MCRIP2: variants seen among roughly 807,000 people sequenced by gnomAD.
MCRIP2 encodes MAPK regulated corepressor interacting protein 2.
In MCRIP2, 21 loss-of-function variants were observed where a neutral mutation model predicts 23.2. The ratio of observed to expected loss-of-function variants is 0.90; its 90% CI spans 0.64 to 1.30. MCRIP2 has a LOEUF of 1.30. Ranked by LOEUF, MCRIP2 falls within the 50% of genes most tolerant of loss-of-function variation. MCRIP2 has a pLI of 0.00. For missense variants in MCRIP2, 234 were observed against 223.2 expected (o/e 1.05, Z -0.31); for synonymous variants, 121 against 100.2 (o/e 1.21, Z -1.24).
At chr16:647,254 G>A in intron 2 of MCRIP2, 163 bp from the exon 3 acceptor site, 6 of 917,876 alleles carry the variant, frequency 6.5e-6, no homozygotes, top group South Asian at 1.7e-5. Context: ...AGAGAGGCCT[G>A]GGCCACCGGC....
rs1252018395 is a variant in MCRIP2 at position 642,229 on chromosome 16, G to A, written c.162G>A (p.Pro54=). The stretch of plus-strand genomic sequence containing the variant: ...GGGCGCAGCCCTTTGCGCAGCCGCC[G>A]GGACCCTGGCCCCTGTCGAGGTGAG... ...PPRAQPFAQP[P]GPWPLSSPGP... Residue 54 remains proline, a synonymous_variant, in exon 2 of 5, where the codon CCG becomes CCA. Transcript: ENST00000307650. 1.6e-6 allele frequency: 2 copies of A among 1,240,048 alleles called. No homozygotes were observed. The highest frequency in any genetic ancestry group is 4.3e-5 in the Admixed American group (1 of 23,392). 76.8% of individuals were successfully genotyped at this position (1,240,048 alleles called of 1,614,324 possible). A position where few individuals can be genotyped will look rare whatever the true frequency, so the allele number is the denominator to read the frequency against.
At position 646,949 on chromosome 16, in the gene MCRIP2, TGGAGGTG is replaced by T; in HGVS notation, c.183-467_183-461del. 150 of 170,502 alleles carry T rather than the reference TGGAGGTG, an allele frequency of 8.8e-4. No homozygotes were observed. Among genetic ancestry groups the T allele is most frequent in the South Asian group, 4.9e-3 (35 of 7,192 alleles). 10.6% of individuals were successfully genotyped at this position (170,502 alleles called of 1,614,324 possible). ...TCCATGGAGGGAAACATCGTGGAGATGGAGGTGCTTCTGTGGGGCGAGAATGTGGCCT... is the reference window on the plus strand; with the variant it reads ...TCCATGGAGGGAAACATCGTGGAGATCTTCTGTGGGGCGAGAATGTGGCCT... On this transcript the variant is annotated intron_variant, in intron 2 of 4. Coordinates refer to ENST00000307650, the MANE Select transcript of MCRIP2 (RefSeq NM_138418.4). This position sits in a 1 kb window ranked among gnomAD's most constrained non-coding sequence, Gnocchi z 6.5.
intron 2 of MCRIP2, 21 bp from the exon 3 acceptor site, chr16:647,396 C>A (rs1262011050): frequency 4.5e-5 from 72 of 1,611,690 alleles, no homozygotes; most frequent in Non-Finnish European, 6.0e-5. Context: ...CCAACCATGT[C>A]CGTCTCCTCC....
In MCRIP2 at chr16:647,424, C is replaced by T; in HGVS notation, c.190C>T (p.Pro64Ser). ...TCTCCTCCCTTCCTGCAGTCCAGGG[C>T]CAAGGCTTGTGTTCAATCGTGTGAA... Reference protein sequence around the residue: ...PGPWPLSSPGPRLVFNRVNGR... With the variant: ...PGPWPLSSPGSRLVFNRVNGR... Residue 64 changes from proline to serine, a missense_variant, in exon 3 of 5, where the codon CCA becomes TCA. Physicochemically the swap from Pro to Ser is moderately conservative, Grantham distance 74 (BLOSUM62 -1). Coordinates refer to ENST00000307650, the MANE Select transcript of MCRIP2 (RefSeq NM_138418.4). 1 of 1,613,476 alleles carries T rather than the reference C, an allele frequency of 6.2e-7. No homozygotes were observed. Among genetic ancestry groups the T allele is most frequent in the Non-Finnish European group, 8.5e-7 (1 of 1,179,968 alleles).
At chr16:643,059 A>C (rs1596448754) in intron 2 of MCRIP2, 2 of 152,352 alleles carry the variant, frequency 1.3e-5, no homozygotes, top group Non-Finnish European at 2.9e-5. Flanking sequence ...GTGCCGAGCC[A>C]CCCTCAGCCT....
intron 2 of MCRIP2, chr16:642,968 G>A (rs2037388266): frequency 6.6e-6 from 1 of 152,652 alleles, no homozygotes; most frequent in South Asian, 2.1e-4. Flanking sequence ...GAAGGCTCCT[G>A]GAGGTGGTAG....
At chr16:645,632 T>C (rs1235604246) in intron 2 of MCRIP2, 1 of 151,992 alleles carries the variant, frequency 6.6e-6, no homozygotes, top group Non-Finnish European at 1.5e-5. Flanking sequence ...TGAGGCGATA[T>C]AAGTAATAAG....
Position 646,952 on chromosome 16 carries a change from A to T in MCRIP2, c.183-465A>T, listed in dbSNP as rs76508841. On this transcript the variant is annotated intron_variant, in intron 2 of 4. Coordinates refer to ENST00000307650, the MANE Select transcript of MCRIP2 (RefSeq NM_138418.4). The surrounding 1 kb of genome is among the most constrained non-coding windows in gnomAD (Gnocchi z 6.5). ...ATGGAGGGAAACATCGTGGAGATGG[A>T]GGTGCTTCTGTGGGGCGAGAATGTG... is the stretch of plus-strand genomic sequence containing the variant. 0.015 allele frequency: 2,373 copies of T among 156,510 alleles called. 82 individuals carry two copies. Among genetic ancestry groups the T allele is most frequent in the East Asian group, 0.13 (666 of 5,312 alleles). 9.7% of individuals were successfully genotyped at this position (156,510 alleles called of 1,614,324 possible). A position where few individuals can be genotyped will look rare whatever the true frequency, so the allele number is the denominator to read the frequency against.
Position 642,172 on chromosome 16 carries a change from G to A in MCRIP2, c.105G>A (p.Arg35=). 2 of 1,348,722 alleles carry A rather than the reference G, an allele frequency of 1.5e-6. No homozygotes were observed. The highest frequency in any genetic ancestry group is 1.9e-6 in the Non-Finnish European group (2 of 1,046,348). 83.5% of individuals were successfully genotyped at this position (1,348,722 alleles called of 1,614,324 possible). A position where few individuals can be genotyped will look rare whatever the true frequency, so the allele number is the denominator to read the frequency against. ...EGRLGELLKC[R]QPAPPTSQPP... ...GGCTCGGCGAGCTCCTGAAATGCCG[G>A]CAGCCCGCGCCGCCGACCTCGCAGC... The change falls in exon 2 of 5, where the codon CGG becomes CGA. Residue 35 remains arginine (R), a synonymous_variant. Coordinates refer to ENST00000307650, the MANE Select transcript of MCRIP2 (RefSeq NM_138418.4).
At chr16:644,801 G>A (rs989616346) in intron 2 of MCRIP2, among the ~76,000 whole-genome samples, 7 of 151,328 alleles carry the variant, frequency 4.6e-5, no homozygotes, top group Admixed American at 1.3e-4. Context: ...CTGACTGGGC[G>A]CGGGAGGGGG....
Position 646,985 on chromosome 16 carries a change from A to G in MCRIP2, c.183-432A>G. ...CTGTGGGGCGAGAATGTGGCCTAGA[A>G]CTACACCCAGAGTGGGGGGGTTGGG... On this transcript the variant is annotated intron_variant, in intron 2 of 4. Coordinates refer to ENST00000307650, the MANE Select transcript of MCRIP2 (RefSeq NM_138418.4). This position sits in a 1 kb window ranked among gnomAD's most constrained non-coding sequence, Gnocchi z 6.5. 5.2e-6 allele frequency: 1 copy of G among 193,156 alleles called. No homozygotes were observed. The highest frequency in any genetic ancestry group is 2.3e-5 in the African/African-American group (1 of 42,644). The allele number at this position is 193,156 out of a possible 1,614,324, so 12.0% of individuals were successfully genotyped here. A position where few individuals can be genotyped will look rare whatever the true frequency, so the allele number is the denominator to read the frequency against.
At position 646,741 on chromosome 16, in the gene MCRIP2, G is replaced by A. The variant is rs866202378; in HGVS notation, c.183-676G>A. On this transcript the variant is annotated intron_variant, in intron 2 of 4. Coordinates refer to ENST00000307650, the MANE Select transcript of MCRIP2 (RefSeq NM_138418.4). This position sits in a 1 kb window ranked among gnomAD's most constrained non-coding sequence, Gnocchi z 6.5. ...CAGGGGCCCACCAGACGTTGCGTGC[G>A]GCACTGCGGGAGCCATCTCCTTTGG... The A allele has an allele frequency of 1.0e-3, 155 of 152,418 alleles. No individual in the cohort carries two copies. The highest frequency in any genetic ancestry group is 3.2e-3 in the African/African-American group (132 of 41,562). The allele number at this position is 152,418 out of a possible 1,614,324, so 9.4% of individuals were successfully genotyped here.
intron 2 of MCRIP2, chr16:647,110 G>T (rs903211916): frequency 2.5e-6 from 1 of 400,342 alleles, no homozygotes; most frequent in Non-Finnish European, 4.6e-6. Flanking sequence ...GACCCTCGGG[G>T]AGGGGTACTG....
intron 2 of MCRIP2, chr16:642,709 C>T (rs2037381121): frequency 6.6e-6 from 1 of 152,428 alleles, no homozygotes; most frequent in Non-Finnish European, 1.5e-5. Context: ...CGCCCTTCAC[C>T]CCAGACACCC....
chr16:643,578 T>C (rs1480693064), intron 2 of MCRIP2, among the ~76,000 whole-genome samples: 1 of 137,610 alleles, frequency 7.3e-6, no homozygotes, highest in African/African-American at 2.8e-5. Flanking sequence ...AGAGTCTCCA[T>C]CTGTCGCCCA....
At position 647,509 on chromosome 16, in the gene MCRIP2, T is replaced by C. The variant is rs140734545; in HGVS notation, c.275T>C (p.Val92Ala). The change falls in exon 3 of 5, where the codon GTG becomes GCG. Residue 92 changes from valine (V) to alanine (A), a missense_variant. By Grantham distance (64) the Val-to-Ala change is moderately conservative. Transcript: ENST00000307650. The stretch of plus-strand genomic sequence containing the variant: ...GAGGGGACCCAGGAGACCTACACAG[T>C]GGCCCACGAGGAGAATGTCCGCTTT... ...SFEGTQETYT[V>A]AHEENVRFVS... is the part of the protein sequence containing the mutation. 38 of 1,613,264 alleles carry C rather than the reference T, an allele frequency of 2.4e-5. No homozygotes were observed. The highest frequency in any genetic ancestry group is 3.0e-5 in the Non-Finnish European group (35 of 1,179,990).
intron 2 of MCRIP2, chr16:647,026 C>T (rs1186062852): frequency 4.2e-6 from 1 of 239,994 alleles, no homozygotes; most frequent in African/African-American, 2.2e-5. Context: ...GAGACATGGT[C>T]ATGGACTGGG....
chr16:642,399 G>A, intron 2 of MCRIP2, 150 bp downstream of exon 2: 1 of 733,266 alleles, frequency 1.4e-6, no homozygotes, highest in Non-Finnish European at 1.8e-6. Context: ...GGGGTGCGCG[G>A]GTCCTGCCCA....
intron 2 of MCRIP2, among the ~76,000 whole-genome samples, chr16:644,613 T>C (rs1165176533): frequency 6.6e-6 from 1 of 152,148 alleles, no homozygotes; most frequent in Non-Finnish European, 1.5e-5. Context: ...TGGCTCATTT[T>C]TAACTTTTAT....
Sources: allele counts gnomAD v4.1 joint callset (sites outside exome capture counted in the v4.1 genomes callset), GRCh38; gene constraint gnomAD v4.1.1; non-coding constraint Gnocchi (gnomAD v3.1); transcripts MANE v1.5; gene names NCBI Gene and HGNC (gene_info 2026-07-23, HGNC 2026-07-21).